KCNJ3: variants seen among roughly 807,000 people sequenced by gnomAD.
The protein encoded by KCNJ3 is potassium inwardly rectifying channel subfamily J member 3, also known as G protein-activated inward rectifier potassium channel 1.
KCNJ3 carries 4 observed loss-of-function variants against 39.2 expected under a neutral mutation model. The observed-to-expected ratio is 0.10, with a 90% CI of 0.05 to 0.23. The LOEUF (loss-of-function observed/expected upper bound fraction) is 0.23. Ranked by LOEUF, KCNJ3 falls within the 10% of genes least tolerant of loss-of-function variation. The pLI is 1.00. For missense variants in KCNJ3, 276 were observed against 634.9 expected (o/e 0.43, Z 6.08); for synonymous variants, 230 against 237.4 (o/e 0.97, Z 0.29).
chr2:154,852,820 T>G (rs1457724454), intron 2 of KCNJ3, among the ~76,000 whole-genome samples: 1 of 152,110 alleles, frequency 6.6e-6, no homozygotes, highest in Non-Finnish European at 1.5e-5. Flanking sequence ...TTATCTTATA[T>G]ATAAATGTTT....
At chr2:154,783,586 C>A (rs537945461) in intron 2 of KCNJ3, among the ~76,000 whole-genome samples, 40 of 152,198 alleles carry the variant, frequency 2.6e-4, no homozygotes, top group African/African-American at 9.4e-4. Flanking sequence ...TAAATATTAA[C>A]TTATTAAATT....
chr2:154,737,506 C>T lies in KCNJ3; in HGVS notation c.919+27687C>T, dbSNP rs956606906. On this transcript the variant is annotated intron_variant, in intron 2 of 2. Coordinates refer to ENST00000295101, the MANE Select transcript of KCNJ3 (RefSeq NM_002239.4). ...CAAAGAAGCAGGAAAATATGATCCA[C>T]GAGGAGGAGAAAAATCAATCCAGGA... Among the ~76,000 whole-genome samples the T allele has an allele frequency of 7.2e-5, 11 of 151,964 alleles. No homozygotes were observed. In the East Asian group the frequency reaches 9.6e-4, roughly 13 times the overall value.
At chr2:154,766,715 C>G (rs1207815271) in intron 2 of KCNJ3, among the ~76,000 whole-genome samples, 2 of 152,022 alleles carry the variant, frequency 1.3e-5, no homozygotes, top group African/African-American at 4.8e-5. Context: ...GCCATCATGC[C>G]TGGCTAATTT....
intron 2 of KCNJ3, among the ~76,000 whole-genome samples, chr2:154,740,888 G>C (rs1002704056): frequency 5.3e-5 from 8 of 151,914 alleles, no homozygotes; most frequent in Non-Finnish European, 8.8e-5. Flanking sequence ...AATAAGAGCA[G>C]TACCAAGCAC....
intron 2 of KCNJ3, among the ~76,000 whole-genome samples, chr2:154,776,424 T>C (rs1229151036): frequency 6.6e-6 from 1 of 152,146 alleles, no homozygotes. Flanking sequence ...CATTTGTTCA[T>C]TATTGGCCAT....
chr2:154,773,577 C>T (rs564205750), intron 2 of KCNJ3, among the ~76,000 whole-genome samples: 11 of 152,172 alleles, frequency 7.2e-5, no homozygotes, highest in South Asian at 2.1e-4. Context: ...ATGCCAAGGA[C>T]GATTAAGCCA....
chr2:154,747,140 TCTTA>T (rs999024204), intron 2 of KCNJ3, among the ~76,000 whole-genome samples: 13 of 152,134 alleles, frequency 8.5e-5, no homozygotes, highest in African/African-American at 3.1e-4. Context: ...TCAGTTCATT[TCTTA>T]CTTAGTGACT....
chr2:154,850,654 A>T (rs1232054452), intron 2 of KCNJ3, among the ~76,000 whole-genome samples: 2 of 152,188 alleles, frequency 1.3e-5, no homozygotes, highest in Non-Finnish European at 2.9e-5. Context: ...TGAATTGGAA[A>T]TGTCTGCTAT....
chr2:154,854,650 G>C, intron 2 of KCNJ3, 77 bp from the exon 3 acceptor site: 1 of 1,040,358 alleles, frequency 9.6e-7, no homozygotes, highest in East Asian at 2.4e-5. Context: ...AAAGTGAAAT[G>C]AATTATTTAG....
intron 2 of KCNJ3, among the ~76,000 whole-genome samples, chr2:154,747,766 A>T (rs1180732885): frequency 6.6e-6 from 1 of 152,086 alleles, no homozygotes; most frequent in Non-Finnish European, 1.5e-5. Flanking sequence ...TCAGCCTAAA[A>T]CTTATAGAAA....
chr2:154,738,306 T>C (rs1037320305), intron 2 of KCNJ3, among the ~76,000 whole-genome samples: 2 of 152,070 alleles, frequency 1.3e-5, no homozygotes, highest in African/African-American at 2.4e-5. Context: ...GGATTATTAA[T>C]GGGTACAAAA....
chr2:154,738,879 A>G (rs1685594790), intron 2 of KCNJ3, among the ~76,000 whole-genome samples: 1 of 152,108 alleles, frequency 6.6e-6, no homozygotes, highest in Non-Finnish European at 1.5e-5. Context: ...AAATTGTTAA[A>G]AGAAGTCCTT....
chr2:154,714,815 G>T (rs1016917429), intron 2 of KCNJ3, among the ~76,000 whole-genome samples: 1 of 152,144 alleles, frequency 6.6e-6, no homozygotes, highest in Non-Finnish European at 1.5e-5. Flanking sequence ...GACACAGTTT[G>T]CAAAACAAAA....
chr2:154,786,882 T>C (rs951271818), intron 2 of KCNJ3, among the ~76,000 whole-genome samples: 1 of 152,226 alleles, frequency 6.6e-6, no homozygotes, highest in East Asian at 1.9e-4. Context: ...TCTCAGGGGA[T>C]AATATCCACT....
chr2:154,782,499 A>C (rs1467188618), intron 2 of KCNJ3, among the ~76,000 whole-genome samples: 1 of 148,752 alleles, frequency 6.7e-6, no homozygotes, highest in East Asian at 2.0e-4. Flanking sequence ...AATACCATAC[A>C]TATTTATATT....
chr2:154,778,435 T>C (rs1411741555), intron 2 of KCNJ3, among the ~76,000 whole-genome samples: 1 of 152,152 alleles, frequency 6.6e-6, no homozygotes. Flanking sequence ...CAGACTTCCA[T>C]ATGGTAATTT....
At chr2:154,792,222 A>G (rs1686646329) in intron 2 of KCNJ3, among the ~76,000 whole-genome samples, 1 of 152,028 alleles carries the variant, frequency 6.6e-6, no homozygotes, top group Non-Finnish European at 1.5e-5. Flanking sequence ...CCAGGAATGT[A>G]TCGTGTTTAC....
At chr2:154,717,843 T>G (rs1685206857) in intron 2 of KCNJ3, among the ~76,000 whole-genome samples, 1 of 152,194 alleles carries the variant, frequency 6.6e-6, no homozygotes. Context: ...AATCATAACT[T>G]TTTAGTGATC....
intron 2 of KCNJ3, among the ~76,000 whole-genome samples, chr2:154,824,959 A>C (rs1461075190): frequency 6.6e-6 from 1 of 152,204 alleles, no homozygotes; most frequent in Admixed American, 6.5e-5. Context: ...TATTATGTGG[A>C]TGATTTGGTG....
Sources: gnomAD v4.1 joint callset for allele counts (sites outside exome capture counted in the v4.1 genomes callset) on GRCh38, gnomAD v4.1.1 for gene constraint, MANE v1.5 for transcripts, NCBI Gene and HGNC (gene_info 2026-07-23, HGNC 2026-07-21) for gene names.